ANKS1A: variants seen among roughly 807,000 people sequenced by gnomAD.
ANKS1A encodes ankyrin repeat and SAM domain-containing protein 1A.
A neutral mutation model predicts 120.3 loss-of-function variants in ANKS1A; 55 were observed. The observed-to-expected ratio is 0.46, with a 90% CI of 0.37 to 0.57. ANKS1A has a LOEUF of 0.57. ANKS1A is among the 20% of genes least tolerant of loss of function. The probability of loss-of-function intolerance (pLI) is 0.00; values close to 1 mark genes in which losing one functional copy is unlikely to be tolerated. For missense variants in ANKS1A, 1,123 were observed against 1,480.3 expected (o/e 0.76, Z 3.96); for synonymous variants, 590 against 604.7 (o/e 0.98, Z 0.36).
intron 14 of ANKS1A, among the ~76,000 whole-genome samples, chr6:35,079,256 C>T (rs772586165): frequency 6.6e-6 from 1 of 152,202 alleles, no homozygotes; most frequent in Non-Finnish European, 1.5e-5. Flanking sequence ...GCAGACCCCC[C>T]CTCCCTACCT....
At chr6:34,924,477 G>A (rs938389305) in intron 1 of ANKS1A, among the ~76,000 whole-genome samples, 1 of 152,052 alleles carries the variant, frequency 6.6e-6, no homozygotes, top group African/African-American at 2.4e-5. Flanking sequence ...GACATTCTTT[G>A]GGGTAACTGG....
intron 1 of ANKS1A, among the ~76,000 whole-genome samples, chr6:34,956,895 A>C (rs1254168561): frequency 6.6e-6 from 1 of 152,184 alleles, no homozygotes; most frequent in Non-Finnish European, 1.5e-5. Flanking sequence ...GTGACAGCAG[A>C]CCTGGTGGTC....
chr6:34,989,149 T>G, intron 8 of ANKS1A, 75 bp from the exon 9 acceptor site: 19 of 1,411,508 alleles, frequency 1.3e-5, no homozygotes, highest in Non-Finnish European at 1.7e-5. Context: ...TTCTAAGGGC[T>G]AAGATGAGGG....
intron 3 of ANKS1A, among the ~76,000 whole-genome samples, chr6:34,973,870 CCTTCCCCTTCCCCTTCA>C (rs1771317485): frequency 9.6e-6 from 1 of 104,690 alleles, no homozygotes; most frequent in Non-Finnish European, 1.9e-5. Flanking sequence ...CCTCCCCTTC[CCTTCCCCTTCCCCTTCA>C]CTTCCCCTTC....
At chr6:34,974,584 G>C (rs1013428279) in intron 3 of ANKS1A, among the ~76,000 whole-genome samples, 4 of 152,044 alleles carry the variant, frequency 2.6e-5, no homozygotes, top group African/African-American at 9.7e-5. Context: ...TAGAGTGATA[G>C]AGTGAAAAAC....
chr6:35,046,102 C>G (rs766539335), intron 11 of ANKS1A, among the ~76,000 whole-genome samples: 4 of 152,174 alleles, frequency 2.6e-5, no homozygotes, highest in Non-Finnish European at 5.9e-5. Flanking sequence ...GCTTATCATG[C>G]TAAAGGAACT....
At chr6:35,096,564 C>T in the ANKS1A span, among the ~76,000 whole-genome samples, 1 of 152,166 alleles carries the variant, frequency 6.6e-6, no homozygotes, top group African/African-American at 2.4e-5. Context: ...TGGCCCTTTT[C>T]CTTTGCTGAT....
rs77985889 is a variant in ANKS1A at position 35,074,108 on chromosome 6, C to T, written c.2185-4450C>T. Among the ~76,000 whole-genome samples, 52 of 152,382 alleles carry T rather than the reference C, an allele frequency of 3.4e-4. No individual in the cohort carries two copies. The East Asian group carries it at 8.7e-3, about 25-fold the overall frequency. ...TGGTTAGCAAAGGGCCTGTCTCCGG[C>T]GGATCTGGCTTTCCTCGCTGTCAGC... On this transcript the variant is annotated intron_variant, in intron 13 of 23. Transcript: ENST00000360359.
chr6:35,060,358 CA>C lies in ANKS1A; in HGVS notation c.2184+108del. The C allele has an allele frequency of 1.0e-6, 1 of 969,862 alleles. No individual in the cohort carries two copies. Among genetic ancestry groups the C allele is most frequent in the Non-Finnish European group, 1.6e-6 (1 of 644,024 alleles). 60.1% of individuals were successfully genotyped at this position (969,862 alleles called of 1,614,324 possible). On this transcript the variant is annotated intron_variant, in intron 13 of 23. Coordinates refer to ENST00000360359, the MANE Select transcript of ANKS1A (RefSeq NM_015245.3). The surrounding 1 kb of genome is among the most constrained non-coding windows in gnomAD (Gnocchi z 4.5). ...AGGAGTCTGCAACAGTACGTAGACC[CA>C]AATCCCAGGGAAAGCTCACTGAGGT...
chr6:34,978,336 C>T (rs1011910067), intron 3 of ANKS1A, among the ~76,000 whole-genome samples: 1 of 152,168 alleles, frequency 6.6e-6, no homozygotes, highest in Non-Finnish European at 1.5e-5. Context: ...CCTCTCACTC[C>T]ATTTTCTCAG....
Position 35,085,997 on chromosome 6 carries a change from G to T in ANKS1A, c.3303+61G>T. The T allele has an allele frequency of 6.6e-7, 1 of 1,520,630 alleles. No individual in the cohort carries two copies. Among genetic ancestry groups the T allele is most frequent in the South Asian group, 1.3e-5 (1 of 77,622 alleles). The allele number at this position is 1,520,630 out of a possible 1,614,324, so 94.2% of individuals were successfully genotyped here. On this transcript the variant is annotated intron_variant, in intron 22 of 23. Transcript: ENST00000360359. This position sits in a 1 kb window ranked among gnomAD's most constrained non-coding sequence, Gnocchi z 4.7. ...CTGGCCCCAGGGATTCAAGGGCTCA[G>T]GGTGGTCAGCGTGAGGAGGGTCTTC...
At chr6:34,909,476 C>T (rs1200128321) in intron 1 of ANKS1A, among the ~76,000 whole-genome samples, 1 of 152,212 alleles carries the variant, frequency 6.6e-6, no homozygotes, top group Non-Finnish European at 1.5e-5. Context: ...GTTCTCATTT[C>T]TAAGTGCGTT....
chr6:35,056,429 C>T (rs1186176920), intron 12 of ANKS1A, among the ~76,000 whole-genome samples: 5 of 152,208 alleles, frequency 3.3e-5, no homozygotes, highest in African/African-American at 1.2e-4. Flanking sequence ...GCTGGGACTA[C>T]AGGCGCCCGC....
intron 10 of ANKS1A, among the ~76,000 whole-genome samples, chr6:35,015,933 T>C (rs1046578451): frequency 6.6e-6 from 1 of 152,232 alleles, no homozygotes; most frequent in African/African-American, 2.4e-5. Flanking sequence ...GCTTTGGGCC[T>C]TCAGGCATGC....
intron 9 of ANKS1A, 58 bp from the exon 10 acceptor site, chr6:34,994,244 C>G (rs1488555445): frequency 1.3e-6 from 2 of 1,582,682 alleles, no homozygotes; most frequent in East Asian, 2.3e-5. Context: ...TTGTTCCAGA[C>G]TGCCTGTCTT....
At chr6:35,097,587 C>T in the ANKS1A span, among the ~76,000 whole-genome samples, 1 of 145,972 alleles carries the variant, frequency 6.9e-6, no homozygotes, top group East Asian at 2.0e-4. Context: ...TTTCTCTGTC[C>T]AGCATAAAAA....
At chr6:34,893,299 A>G (rs1766914066) in intron 1 of ANKS1A, among the ~76,000 whole-genome samples, 1 of 152,036 alleles carries the variant, frequency 6.6e-6, no homozygotes, top group Non-Finnish European at 1.5e-5. Context: ...TGCCAGACAC[A>G]TTATTTATTT....
chr6:34,957,160 T>G (rs915618597), intron 1 of ANKS1A, among the ~76,000 whole-genome samples: 1 of 152,222 alleles, frequency 6.6e-6, no homozygotes, highest in African/African-American at 2.4e-5. Flanking sequence ...TTTTGTTTGT[T>G]TTTACTCTGT....
chr6:35,079,399 C>T, intron 14 of ANKS1A, 117 bp from the exon 15 acceptor site: 1 of 1,339,862 alleles, frequency 7.5e-7, no homozygotes, highest in South Asian at 1.4e-5. Flanking sequence ...TGCTGAGGAC[C>T]CCAAACACAG....
Sources: allele counts gnomAD v4.1 joint callset (sites outside exome capture counted in the v4.1 genomes callset), GRCh38; gene constraint gnomAD v4.1.1; non-coding constraint Gnocchi (gnomAD v3.1); transcripts MANE v1.5; gene names NCBI Gene and HGNC (gene_info 2026-07-23, HGNC 2026-07-21).